ABCA1: variants seen among roughly 807,000 people sequenced by gnomAD.
The protein encoded by ABCA1 is ATP binding cassette subfamily A member 1.
In ABCA1, 133 loss-of-function variants were observed where a neutral mutation model predicts 262.5. The observed-to-expected ratio is 0.51, with a 90% CI of 0.44 to 0.59. The LOEUF is 0.59. Among genes scored for constraint, ABCA1 ranks in the 20% least tolerant of loss-of-function variants. ABCA1 has a pLI of 0.00. For synonymous variants in ABCA1, 1,022 were observed against 1,043.5 expected, an observed-to-expected ratio of 0.98 and a Z score of 0.40; for missense variants, 2,452 against 2,777.5, an observed-to-expected ratio of 0.88 and a Z score of 2.63.
intron 30 of ABCA1, among the ~76,000 whole-genome samples, chr9:104,808,002 G>A (rs1160957321): frequency 6.6e-6 from 1 of 151,898 alleles, no homozygotes; most frequent in Non-Finnish European, 1.5e-5. Context: ...GACCAGAAAA[G>A]TCACACTAAG....
intron 13 of ABCA1, among the ~76,000 whole-genome samples, chr9:104,831,366 T>C (rs1833308117): frequency 6.6e-6 from 1 of 151,940 alleles, no homozygotes; most frequent in Non-Finnish European, 1.5e-5. Flanking sequence ...TACAGGTGCC[T>C]GCCACCAAAA....
chr9:104,784,963 C>T lies in ABCA1; in HGVS notation c.6645+433G>A, dbSNP rs1373766072. Among the ~76,000 whole-genome samples the T allele has an allele frequency of 2.6e-5, 4 of 152,192 alleles. No homozygotes were observed. In the East Asian group the frequency reaches 5.8e-4, roughly 22 times the overall value. On this transcript the variant is annotated intron_variant, in intron 49 of 49. Coordinates refer to ENST00000374736, the MANE Select transcript of ABCA1 (RefSeq NM_005502.4). ...CCGGCCAAAAACTGACTTTCTATAT[C>T]GCCCCCCACCCCTACATCACCAACT...
chr9:104,854,845 T>A (rs771414097), intron 7 of ABCA1, among the ~76,000 whole-genome samples: 5 of 152,222 alleles, frequency 3.3e-5, no homozygotes, highest in African/African-American at 4.8e-5. Flanking sequence ...TCCACCCACC[T>A]TTGTTCTCAT....
intron 11 of ABCA1, among the ~76,000 whole-genome samples, chr9:104,834,473 A>G (rs1833621758): frequency 6.7e-6 from 1 of 149,654 alleles, no homozygotes; most frequent in African/African-American, 2.4e-5. Flanking sequence ...AGGGTTAGCA[A>G]TTCTGAAGCC....
chr9:104,788,346 C>T (rs779766440), intron 45 of ABCA1, 80 bp downstream of exon 45: 41 of 1,593,850 alleles, frequency 2.6e-5, no homozygotes, highest in Non-Finnish European at 3.4e-5. Context: ...AGCCTGAAGT[C>T]AATGCGTGTG....
At chr9:104,837,132 AGG>A (rs1162404826) in intron 10 of ABCA1, 36 bp from the exon 11 acceptor site, 1 of 1,206,886 alleles carries the variant, frequency 8.3e-7, no homozygotes, top group South Asian at 1.6e-5. Context: ...CCGCAGAAAA[AGG>A]AGGAGAAGCA....
chr9:104,834,444 T>G (rs1833618248), intron 11 of ABCA1, among the ~76,000 whole-genome samples: 1 of 149,438 alleles, frequency 6.7e-6, no homozygotes, highest in South Asian at 2.2e-4. Context: ...AAATTGTACC[T>G]CACAAGTTCA....
chr9:104,866,148 A>G (rs1453576406), intron 5 of ABCA1, among the ~76,000 whole-genome samples: 1 of 152,198 alleles, frequency 6.6e-6, no homozygotes, highest in Non-Finnish European at 1.5e-5. Context: ...TCATAATGCT[A>G]TGCACATAGT....
chr9:104,844,008 A>G (rs374289621), intron 8 of ABCA1, among the ~76,000 whole-genome samples: 73 of 140,118 alleles, frequency 5.2e-4, no homozygotes, highest in African/African-American at 1.9e-3. Context: ...CCTGCTTCCA[A>G]TTTTTTTTTT....
rs890144100 is a variant in ABCA1, at chr9:104,927,988, C to G, written c.-146G>C. ...TTTCTCCTACCCCTTGACAAGCCTT[C>G]CGGAGAAGGGGAGAAAACAGAACCG... On this transcript the variant is annotated 5_prime_UTR_variant, in exon 1 of 50. Transcript: ENST00000374736. 2.0e-5 allele frequency: 3 copies of G among 152,234 alleles called. No homozygotes were observed. Among genetic ancestry groups the G allele is most frequent in the African/African-American group, 7.2e-5 (3 of 41,460 alleles). The allele number at this position is 152,234 out of a possible 1,614,324, so 9.4% of individuals were successfully genotyped here. A position where few individuals can be genotyped will look rare whatever the true frequency, so the allele number is the denominator to read the frequency against.
intron 1 of ABCA1, among the ~76,000 whole-genome samples, chr9:104,926,364 G>A (rs965016214): frequency 1.3e-5 from 2 of 150,286 alleles, no homozygotes; most frequent in Non-Finnish European, 2.9e-5. Context: ...ACCTAAAGAG[G>A]CACCTACACA....
At chr9:104,806,216 C>A in intron 31 of ABCA1, 25 bp downstream of exon 31, 1 of 1,610,846 alleles carries the variant, frequency 6.2e-7, no homozygotes, top group South Asian at 1.1e-5. Flanking sequence ...CCCTTCTGCC[C>A]AATCACCCCC....
intron 24 of ABCA1, 114 bp from the exon 25 acceptor site, chr9:104,816,459 T>A: frequency 6.2e-6 from 6 of 968,576 alleles, no homozygotes; most frequent in South Asian, 1.3e-5. Context: ...CCACACCTGT[T>A]CCAGGTGTTT....
intron 1 of ABCA1, among the ~76,000 whole-genome samples, chr9:104,913,644 T>C (rs906384772): frequency 6.6e-6 from 1 of 152,216 alleles, no homozygotes; most frequent in African/African-American, 2.4e-5. Flanking sequence ...CGGTATCCTG[T>C]TGCCACTTCT....
At chr9:104,802,376 G>A (rs1159165322) in intron 33 of ABCA1, among the ~76,000 whole-genome samples, 1 of 152,204 alleles carries the variant, frequency 6.6e-6, no homozygotes. Flanking sequence ...GACCTGGCCT[G>A]ATTACACACA....
Position 104,782,591 on chromosome 9 carries a change from C to T in ABCA1, c.*1724G>A, listed in dbSNP as rs1273337303. 6.6e-6 allele frequency: 1 copy of T among 152,060 alleles called. No individual in the cohort carries two copies. The highest frequency in any genetic ancestry group is 2.4e-5 in the African/African-American group (1 of 41,430). The allele number at this position is 152,060 out of a possible 1,614,324, so 9.4% of individuals were successfully genotyped here. On this transcript the variant is annotated 3_prime_UTR_variant, in exon 50 of 50. Transcript: ENST00000374736. ...AAAAATAAGACTGGGTTAGAAAACTCTGAAAAATGCTCCATATGGAAGTAT... is the reference window on the plus strand; with the variant it reads ...AAAAATAAGACTGGGTTAGAAAACTTTGAAAAATGCTCCATATGGAAGTAT...
rs1407326865 is a variant in ABCA1 at position 104,874,839 on chromosome 9, C to T, written c.421+8200G>A. ...GGAGGGAGGTGGGGGCCAGCCCCCG[C>T]CCGGCCAGCCACCCCGTCCGGGAGG... On this transcript the variant is annotated intron_variant, in intron 5 of 49. Coordinates refer to ENST00000374736, the MANE Select transcript of ABCA1 (RefSeq NM_005502.4). 7.3e-5 allele frequency among the ~76,000 whole-genome samples: 10 copies of T among 136,508 alleles called. No individual in the cohort carries two copies. The East Asian group carries it at 1.8e-3, about 24-fold the overall frequency. The allele number at this position is 136,508 out of a possible 152,430, so 89.6% of individuals were successfully genotyped here. A position where few individuals can be genotyped will look rare whatever the true frequency, so the allele number is the denominator to read the frequency against.
chr9:104,874,106 T>C (rs1389210587), intron 5 of ABCA1, among the ~76,000 whole-genome samples: 2 of 152,188 alleles, frequency 1.3e-5, no homozygotes. Context: ...CAAACCAGAA[T>C]CAAAGGTCCA....
intron 20 of ABCA1, among the ~76,000 whole-genome samples, chr9:104,821,060 T>C (rs545319299): frequency 6.6e-6 from 1 of 152,198 alleles, no homozygotes; most frequent in South Asian, 2.1e-4. Flanking sequence ...CTGGCCAACA[T>C]GGTGAAACCC....
Sources: allele counts gnomAD v4.1 joint callset (sites outside exome capture counted in the v4.1 genomes callset), GRCh38; gene constraint gnomAD v4.1.1; transcripts MANE v1.5; gene names NCBI Gene and HGNC (gene_info 2026-07-23, HGNC 2026-07-21).